CNTN5: variants seen among roughly 807,000 people sequenced by gnomAD.
CNTN5 encodes the protein contactin-5.
In CNTN5, 77 loss-of-function variants were observed where a neutral mutation model predicts 129.1. The ratio of observed to expected loss-of-function variants is 0.60; its 90% CI spans 0.50 to 0.72. CNTN5 has a LOEUF of 0.72. Among genes scored for constraint, CNTN5 ranks in the 30% least tolerant of loss-of-function variants. The pLI is 0.00. For synonymous variants in CNTN5, 509 were observed against 465.6 expected, an observed-to-expected ratio of 1.09 and a Z score of -1.20; for missense variants, 1,478 against 1,328.8, an observed-to-expected ratio of 1.11 and a Z score of -1.75.
chr11:100,038,209 C>G (rs1352502974), intron 9 of CNTN5, among the ~76,000 whole-genome samples: 1 of 151,978 alleles, frequency 6.6e-6, no homozygotes, highest in Non-Finnish European at 1.5e-5. Context: ...TTATTTCTGC[C>G]TTCATTTCGT....
chr11:99,846,142 A>ACC (rs1195666551), intron 6 of CNTN5, among the ~76,000 whole-genome samples: 2 of 151,092 alleles, frequency 1.3e-5, no homozygotes, highest in Non-Finnish European at 3.0e-5. Flanking sequence ...ACACACACAC[A>ACC]CACACACACA....
At chr11:99,845,375 T>C (rs1947654308) in intron 6 of CNTN5, 113 bp downstream of exon 6, 4 of 572,536 alleles carry the variant, frequency 7.0e-6, no homozygotes, top group Non-Finnish European at 7.6e-6. Flanking sequence ...TCTTTTTTTT[T>C]TTTTTTTTTT....
chr11:99,847,481 C>T (rs1380483987), intron 6 of CNTN5, among the ~76,000 whole-genome samples: 2 of 152,122 alleles, frequency 1.3e-5, no homozygotes, highest in East Asian at 3.9e-4. Flanking sequence ...TCAGTGGTAG[C>T]ACCTTATGAC....
At chr11:99,837,125 C>T (rs1343621140) in intron 4 of CNTN5, among the ~76,000 whole-genome samples, 1 of 152,140 alleles carries the variant, frequency 6.6e-6, no homozygotes, top group Non-Finnish European at 1.5e-5. Flanking sequence ...GAATGCAGCT[C>T]AGTAGGTCTC....
At chr11:99,217,923 A>G (rs1399533369) in intron 1 of CNTN5, among the ~76,000 whole-genome samples, 2 of 152,174 alleles carry the variant, frequency 1.3e-5, no homozygotes, top group Non-Finnish European at 1.5e-5. Context: ...TCTCTTTAGC[A>G]TAATTAACAT....
intron 3 of CNTN5, among the ~76,000 whole-genome samples, chr11:99,645,589 T>C (rs1159462986): frequency 6.6e-6 from 1 of 152,006 alleles, no homozygotes; most frequent in Non-Finnish European, 1.5e-5. Flanking sequence ...GAAAATGTGG[T>C]AATATACACC....
intron 3 of CNTN5, among the ~76,000 whole-genome samples, chr11:99,639,138 G>A (rs758234698): frequency 1.2e-4 from 18 of 152,184 alleles, no homozygotes; most frequent in Non-Finnish European, 2.6e-4. Flanking sequence ...TCAAGACCAC[G>A]TGGACACTGC....
intron 3 of CNTN5, among the ~76,000 whole-genome samples, chr11:99,575,817 C>T (rs761567704): frequency 6.6e-6 from 1 of 152,090 alleles, no homozygotes; most frequent in Non-Finnish European, 1.5e-5. Context: ...AAGGTAGTCT[C>T]CCCAGGGGTG....
At chr11:99,475,932 C>A (rs1945353149) in intron 2 of CNTN5, among the ~76,000 whole-genome samples, 2 of 151,972 alleles carry the variant, frequency 1.3e-5, no homozygotes, top group African/African-American at 4.8e-5. Context: ...TTCCTCTTTT[C>A]CTTCACGTGG....
At chr11:99,611,240 C>T (rs1235812680) in intron 3 of CNTN5, among the ~76,000 whole-genome samples, 1 of 152,124 alleles carries the variant, frequency 6.6e-6, no homozygotes, top group Non-Finnish European at 1.5e-5. Context: ...CCCATAATAA[C>T]TACATCAAAA....
chr11:100,266,320 C>T (rs534953704), intron 17 of CNTN5, among the ~76,000 whole-genome samples: 8 of 152,182 alleles, frequency 5.3e-5, no homozygotes, highest in East Asian at 1.9e-4. Flanking sequence ...CACTGTCTTT[C>T]GTTGCTGTCA....
At chr11:99,671,889 CATA>C (rs1487322964) in intron 3 of CNTN5, among the ~76,000 whole-genome samples, 4 of 152,176 alleles carry the variant, frequency 2.6e-5, no homozygotes, top group African/African-American at 7.2e-5. Flanking sequence ...CGCACGCATA[CATA>C]ATAATTCACA....
At chr11:99,703,934 G>C (rs1193349562) in intron 3 of CNTN5, among the ~76,000 whole-genome samples, 1 of 151,028 alleles carries the variant, frequency 6.6e-6, no homozygotes, top group Non-Finnish European at 1.5e-5. Flanking sequence ...ATTGTAGGTA[G>C]AGTAAGAATG....
Position 99,829,372 on chromosome 11 carries a change from A to G in CNTN5, c.277+9607A>G, listed in dbSNP as rs569462710. 2.3e-4 allele frequency among the ~76,000 whole-genome samples: 35 copies of G among 152,364 alleles called. No homozygotes were observed. The East Asian group carries it at 5.8e-3, about 25-fold the overall frequency. The stretch of plus-strand genomic sequence containing the variant: ...ATACTAGGCAGAGAATTCACATCAC[A>G]TGTTATACTTTGGTCATCCCCAGGC... On this transcript the variant is annotated intron_variant, in intron 4 of 24. Transcript: ENST00000524871.
At chr11:99,068,883 T>G (rs1043465197) in intron 1 of CNTN5, among the ~76,000 whole-genome samples, 3 of 152,116 alleles carry the variant, frequency 2.0e-5, no homozygotes, top group African/African-American at 7.2e-5. Flanking sequence ...TTAAAAATAA[T>G]CAGATCTCCT....
intron 2 of CNTN5, among the ~76,000 whole-genome samples, chr11:99,363,001 C>T (rs1939216926): frequency 6.6e-6 from 1 of 151,864 alleles, no homozygotes; most frequent in Admixed American, 6.6e-5. Context: ...CTATTCAAAG[C>T]CGCTTGAGAT....
At chr11:99,580,479 A>C (rs61054749) in intron 3 of CNTN5, among the ~76,000 whole-genome samples, 5,666 of 152,064 alleles carry the variant, frequency 0.037, 239 homozygotes, top group African/African-American at 0.1. Context: ...TTTGGTTGGT[A>C]ATCTATTAAT....
intron 2 of CNTN5, among the ~76,000 whole-genome samples, chr11:99,439,707 C>CAAAA (rs376871051): frequency 1.8e-4 from 17 of 95,352 alleles, no homozygotes; most frequent in African/African-American, 6.0e-4. Context: ...GACTCTGTCT[C>CAAAA]AAAAAAAAAA....
Position 99,571,977 on chromosome 11 carries a change from C to G in CNTN5, c.55+15708C>G, listed in dbSNP as rs373165093. 2.0e-5 allele frequency among the ~76,000 whole-genome samples: 3 copies of G among 152,078 alleles called. No homozygotes were observed. The East Asian group carries it at 5.8e-4, about 29-fold the overall frequency. On this transcript the variant is annotated intron_variant, in intron 3 of 24. Coordinates refer to ENST00000524871, the MANE Select transcript of CNTN5 (RefSeq NM_014361.4). ...ATAAATATAATTTCAGTATCCTGCTCTAATCTTAATGAGATACGAAAGCCT... is the reference window on the plus strand; with the variant it reads ...ATAAATATAATTTCAGTATCCTGCTGTAATCTTAATGAGATACGAAAGCCT...
Sources: allele counts gnomAD v4.1 joint callset (sites outside exome capture counted in the v4.1 genomes callset), GRCh38; gene constraint gnomAD v4.1.1; transcripts MANE v1.5; gene names NCBI Gene and HGNC (gene_info 2026-07-23, HGNC 2026-07-21).